ZZZ3: variants seen among roughly 807,000 people sequenced by gnomAD.
ZZZ3 encodes the protein ZZ-type zinc finger-containing protein 3.
ZZZ3 carries 22 observed loss-of-function variants against 95.2 expected under a neutral mutation model. The ratio of observed to expected loss-of-function variants is 0.23; its 90% CI spans 0.17 to 0.33. The LOEUF is 0.33. ZZZ3 is among the 10% of genes least tolerant of loss of function. ZZZ3 has a pLI of 1.00. For synonymous variants in ZZZ3, 335 were observed against 358.9 expected, an observed-to-expected ratio of 0.93 and a Z score of 0.75; for missense variants, 885 against 1,066.5, an observed-to-expected ratio of 0.83 and a Z score of 2.37.
chr1:77,594,457 G>A (rs1331288861), intron 5 of ZZZ3, among the ~76,000 whole-genome samples: 1 of 151,976 alleles, frequency 6.6e-6, no homozygotes, highest in Non-Finnish European at 1.5e-5. Flanking sequence ...CTTTAATGCT[G>A]TCCCATAGCA....
chr1:77,568,575 A>G (rs1199808966), intron 12 of ZZZ3, 109 bp from the exon 13 acceptor site: 1 of 634,674 alleles, frequency 1.6e-6, no homozygotes, highest in Admixed American at 4.1e-5. Context: ...CATTTTTAAA[A>G]TATCTCTTAG....
At chr1:77,667,685 T>C (rs1190225213) in intron 1 of ZZZ3, among the ~76,000 whole-genome samples, 7 of 152,134 alleles carry the variant, frequency 4.6e-5, no homozygotes, top group African/African-American at 1.4e-4. Context: ...ACACTACTGT[T>C]CACATCACTT....
intron 1 of ZZZ3, among the ~76,000 whole-genome samples, chr1:77,680,298 G>T (rs1480137310): frequency 6.6e-6 from 1 of 152,154 alleles, no homozygotes; most frequent in Non-Finnish European, 1.5e-5. Flanking sequence ...ACCGACTCGG[G>T]CTGTCCTCCA....
At chr1:77,654,706 G>A (rs780877326) in intron 1 of ZZZ3, among the ~76,000 whole-genome samples, 8 of 152,046 alleles carry the variant, frequency 5.3e-5, no homozygotes, top group Admixed American at 3.9e-4. Context: ...TGGTACCCAC[G>A]CCTCTCCATA....
chr1:77,627,214 A>C (rs1667414108), intron 5 of ZZZ3, among the ~76,000 whole-genome samples: 1 of 152,184 alleles, frequency 6.6e-6, no homozygotes, highest in East Asian at 1.9e-4. Flanking sequence ...TAAAATTAAT[A>C]ATCTAAAATT....
chr1:77,665,211 ACTTAG>A (rs1355354064), intron 1 of ZZZ3, among the ~76,000 whole-genome samples: 1 of 152,174 alleles, frequency 6.6e-6, no homozygotes, highest in Non-Finnish European at 1.5e-5. Context: ...ACCAACATCA[ACTTAG>A]AGTTCCACTG....
At chr1:77,602,882 C>A (rs1664869870) in intron 5 of ZZZ3, among the ~76,000 whole-genome samples, 1 of 151,970 alleles carries the variant, frequency 6.6e-6, no homozygotes, top group African/African-American at 2.4e-5. Flanking sequence ...GGGATTACAA[C>A]ATGAGTCACC....
chr1:77,621,694 G>C (rs1427580113), intron 5 of ZZZ3, among the ~76,000 whole-genome samples: 2 of 151,850 alleles, frequency 1.3e-5, no homozygotes, highest in Non-Finnish European at 2.9e-5. Flanking sequence ...GTACGCACCT[G>C]TAGTCCCAGC....
intron 5 of ZZZ3, among the ~76,000 whole-genome samples, chr1:77,588,037 T>C (rs1482769196): frequency 6.6e-6 from 1 of 152,212 alleles, no homozygotes; most frequent in African/African-American, 2.4e-5. Flanking sequence ...ACTGTTTATG[T>C]TATATAGTAA....
At chr1:77,673,110 TACTG>T (rs1671934849) in intron 1 of ZZZ3, among the ~76,000 whole-genome samples, 1 of 152,178 alleles carries the variant, frequency 6.6e-6, no homozygotes, top group African/African-American at 2.4e-5. Context: ...CCCTAACACT[TACTG>T]ACTGAAATAA....
intron 5 of ZZZ3, among the ~76,000 whole-genome samples, chr1:77,595,934 T>C (rs1280204128): frequency 3.9e-5 from 6 of 152,068 alleles, no homozygotes; most frequent in Non-Finnish European, 7.4e-5. Flanking sequence ...GAATACTTGC[T>C]ACGTAGAAAA....
Position 77,616,950 on chromosome 1 carries a change from A to G in ZZZ3, c.1505+14900T>C, listed in dbSNP as rs572659488. 1.9e-3 allele frequency among the ~76,000 whole-genome samples: 286 copies of G among 152,294 alleles called. 4 individuals carry two copies. The highest frequency in any genetic ancestry group is 6.6e-3 in the African/African-American group (274 of 41,584). Reference sequence around the variant, plus strand: ...ATATATGTACACTTACTTATAAACTATATGTTCTACTATACTTAAATGCAT... The same window carrying G: ...ATATATGTACACTTACTTATAAACTGTATGTTCTACTATACTTAAATGCAT... On this transcript the variant is annotated intron_variant, in intron 5 of 14. Transcript: ENST00000370801.
intron 5 of ZZZ3, among the ~76,000 whole-genome samples, chr1:77,606,585 T>G (rs948511497): frequency 2.0e-5 from 3 of 152,172 alleles, no homozygotes; most frequent in Non-Finnish European, 4.4e-5. Flanking sequence ...CCAGTGGTGG[T>G]GGCCACAGGG....
chr1:77,589,831 G>A (rs948365150), intron 5 of ZZZ3, among the ~76,000 whole-genome samples: 3 of 152,086 alleles, frequency 2.0e-5, no homozygotes, highest in African/African-American at 7.2e-5. Context: ...GGGATGGAAG[G>A]AAGGCGTGCA....
chr1:77,644,895 T>C (rs1434521112), intron 1 of ZZZ3, among the ~76,000 whole-genome samples: 1 of 152,228 alleles, frequency 6.6e-6, no homozygotes, highest in Non-Finnish European at 1.5e-5. Context: ...GTGATGATCA[T>C]ACTTTGAAAA....
intron 1 of ZZZ3, among the ~76,000 whole-genome samples, chr1:77,672,471 T>C (rs541474760): frequency 9.8e-5 from 15 of 152,328 alleles, no homozygotes; most frequent in African/African-American, 3.6e-4. Context: ...ACAGAATCAC[T>C]TGTAGGGTTT....
chr1:77,616,891 AAAAT>A (rs1666371511), intron 5 of ZZZ3, among the ~76,000 whole-genome samples: 1 of 152,114 alleles, frequency 6.6e-6, no homozygotes. Flanking sequence ...AAATAAAATA[AAAAT>A]AAAAATAAAA....
chr1:77,661,006 T>C (rs1670726534), intron 1 of ZZZ3, among the ~76,000 whole-genome samples: 1 of 151,992 alleles, frequency 6.6e-6, no homozygotes, highest in African/African-American at 2.4e-5. Context: ...CTAAGTGCAT[T>C]TGTTACCCTA....
chr1:77,576,702 TC>T (rs1661982986), intron 11 of ZZZ3, among the ~76,000 whole-genome samples: 2 of 151,738 alleles, frequency 1.3e-5, no homozygotes. Context: ...ATCTTTGGCT[TC>T]CCCGGGCTAC....
Sources: gnomAD v4.1 joint callset for allele counts (sites outside exome capture counted in the v4.1 genomes callset) on GRCh38, gnomAD v4.1.1 for gene constraint, MANE v1.5 for transcripts, NCBI Gene and HGNC (gene_info 2026-07-23, HGNC 2026-07-21) for gene names.